The following RGS3 variants were observed in gnomAD, a reference collection of about 807,000 sequenced individuals.
RGS3 encodes the protein regulator of G-protein signalling 3.
A neutral mutation model predicts 132.6 loss-of-function variants in RGS3; 80 were observed. That is an observed-to-expected ratio of 0.60 (90% CI 0.50 to 0.73). The LOEUF (loss-of-function observed/expected upper bound fraction) is 0.73. Ranked by LOEUF, RGS3 falls within the 30% of genes least tolerant of loss-of-function variation. The pLI, the probability that RGS3 is intolerant of heterozygous loss-of-function variation, is 0.00. For missense variants in RGS3, 1,382 were observed against 1,530.8 expected, an observed-to-expected ratio of 0.90 and a Z score of 1.62; for synonymous variants, 598 against 620.6, an observed-to-expected ratio of 0.96 and a Z score of 0.54.
At chr9:113,494,960 C>T (rs532271094) in intron 7 of RGS3, among the ~76,000 whole-genome samples, 4 of 152,156 alleles carry the variant, frequency 2.6e-5, no homozygotes, top group Non-Finnish European at 5.9e-5. Flanking sequence ...ACTGCAACTC[C>T]ACCTCCTGGT....
Position 113,506,499 on chromosome 9 carries a change from A to T in RGS3, c.1085+6A>T. On this transcript the variant is annotated splice_donor_region_variant and intron_variant, in intron 12 of 24. Coordinates refer to ENST00000350696, the Ensembl canonical transcript of RGS3. This position sits in a 1 kb window ranked among gnomAD's most constrained non-coding sequence, Gnocchi z 4.7. ...GAGCTGGCCCACGAGATCCGGTGAC[A>T]GGGGACAGCGGGTGGCCTGGGGCCT... is the stretch of plus-strand genomic sequence containing the variant. 1 of 1,571,210 alleles carries T rather than the reference A, an allele frequency of 6.4e-7. No individual in the cohort carries two copies. Among genetic ancestry groups the T allele is most frequent in the Non-Finnish European group, 8.7e-7 (1 of 1,155,798 alleles).
At position 113,447,329 on chromosome 9, in the gene RGS3, G is replaced by GTATATATGTATATATA. The variant is rs1305095004; in HGVS notation, c.-13+2409_-13+2410insGTATATATATATATAT. Among the ~76,000 whole-genome samples the GTATATATGTATATATA allele has an allele frequency of 3.3e-3, 90 of 27,546 alleles. 2 individuals are homozygous for GTATATATGTATATATA. The highest frequency in any genetic ancestry group is 5.2e-3 in the Non-Finnish European group (69 of 13,358). The allele number at this position is 27,546 out of a possible 152,430, so 18.1% of individuals were successfully genotyped here. Reference sequence around the variant, plus strand: ...CCAATAAATTCTGATGTATGTATATGTATATATATATATATATATATATAT... The same window carrying GTATATATGTATATATA: ...CCAATAAATTCTGATGTATGTATATGTATATATGTATATATATATATATATATATATATATATATAT... On this transcript the variant is annotated intron_variant, in intron 1 of 25. Transcript: ENST00000374140.
chr9:113,539,724 C>A (rs1259822731), intron 19 of RGS3, among the ~76,000 whole-genome samples: 1 of 152,216 alleles, frequency 6.6e-6, no homozygotes, highest in Non-Finnish European at 1.5e-5. Context: ...TCAAGAGTGT[C>A]TGCTGACACC....
intron 4 of RGS3, 52 bp downstream of exon 2, chr9:113,479,593 T>G (rs988649966): frequency 1.1e-5 from 18 of 1,577,010 alleles, no homozygotes; most frequent in Non-Finnish European, 1.5e-5. Context: ...CCACTCAGCT[T>G]GCTGCCTGGG....
intron 19 of RGS3, among the ~76,000 whole-genome samples, chr9:113,542,369 C>T (rs144622024): frequency 1.9e-3 from 289 of 152,232 alleles, no homozygotes; most frequent in African/African-American, 6.7e-3. Context: ...ACTGGAGAGC[C>T]ATTGAAGGCT....
chr9:113,472,836 C>T (rs1021588001), intron 3 of RGS3, among the ~76,000 whole-genome samples: 2 of 152,002 alleles, frequency 1.3e-5, no homozygotes, highest in Admixed American at 6.6e-5. Context: ...GTCAGGAGTT[C>T]GAGAGCAGCC....
intron 20 of RGS3, among the ~76,000 whole-genome samples, chr9:113,589,622 G>GAA (rs1467449690): frequency 5.9e-5 from 9 of 152,204 alleles, no homozygotes; most frequent in Non-Finnish European, 1.2e-4. Flanking sequence ...CCCAGGGCCC[G>GAA]AGGGCTCTTT....
rs565288190 is a variant in RGS3, at chr9:113,477,885, G to A, written c.416-1606G>A. Among the ~76,000 whole-genome samples, 8 of 152,318 alleles carry A rather than the reference G, an allele frequency of 5.3e-5. No individual in the cohort carries two copies. The East Asian group carries it at 1.5e-3, about 29-fold the overall frequency. ...CCTGGGCTTTCTGGTAGACGGCCCTGCCCTGCTTTCTGATGTCTCCAGTGC... is the reference window on the plus strand; with the variant it reads ...CCTGGGCTTTCTGGTAGACGGCCCTACCCTGCTTTCTGATGTCTCCAGTGC... On this transcript the variant is annotated intron_variant, in intron 3 of 24. Coordinates refer to ENST00000350696, the Ensembl canonical transcript of RGS3.
chr9:113,514,608 A>C, exon 15 of RGS3: 1 of 1,613,972 alleles, frequency 6.2e-7, no homozygotes, highest in South Asian at 1.1e-5. Flanking sequence ...TATGGCACCT[A>C]CGTCACCCTG....
chr9:113,541,466 C>T (rs780440229), intron 19 of RGS3: 8 of 1,605,916 alleles, frequency 5.0e-6, no homozygotes, highest in Non-Finnish European at 6.0e-6. Context: ...GGCAACTTAA[C>T]CCTTTCTTGG....
intron 7 of RGS3, among the ~76,000 whole-genome samples, chr9:113,489,091 T>C (rs1830427410): frequency 6.6e-6 from 1 of 152,140 alleles, no homozygotes; most frequent in African/African-American, 2.4e-5. Flanking sequence ...TCCTAAGAGG[T>C]AGGACTTATT....
intron 4 of RGS3, among the ~76,000 whole-genome samples, chr9:113,481,730 G>A (rs1044900564): frequency 6.6e-6 from 1 of 152,166 alleles, no homozygotes; most frequent in Non-Finnish European, 1.5e-5. Flanking sequence ...CACTGTCTGA[G>A]CCAAACCCTA....
rs1205067711 is a variant in RGS3, at chr9:113,463,802, C to T, written c.415+1601C>T. On this transcript the variant is annotated intron_variant, in intron 3 of 24. Coordinates refer to ENST00000350696, the Ensembl canonical transcript of RGS3. This position sits in a 1 kb window ranked among gnomAD's most constrained non-coding sequence, Gnocchi z 4.6. The stretch of plus-strand genomic sequence containing the variant: ...TCCTGTCCGGGTCGCAGTGGGACGC[C>T]ATGGAGCGCTCCCTGCACCGCGTCT... The T allele has an allele frequency of 6.2e-7, 1 of 1,610,442 alleles. No homozygotes were observed. The highest frequency in any genetic ancestry group is 8.5e-7 in the Non-Finnish European group (1 of 1,178,780).
chr9:113,534,246 C>T (rs1212460415), intron 18 of RGS3, among the ~76,000 whole-genome samples: 2 of 152,190 alleles, frequency 1.3e-5, no homozygotes, highest in Admixed American at 6.5e-5. Flanking sequence ...CCCTTCTTAC[C>T]GTTCATGCCT....
intron 9 of RGS3, 68 bp from the exon 8 acceptor site, chr9:113,497,957 G>A: frequency 6.5e-7 from 1 of 1,528,998 alleles, no homozygotes; most frequent in Non-Finnish European, 9.1e-7. Context: ...GCTGTCCTCT[G>A]GGTGGTCCGA....
chr9:113,496,381 C>T (rs1162461828), intron 8 of RGS3, among the ~76,000 whole-genome samples: 3 of 152,130 alleles, frequency 2.0e-5, no homozygotes, highest in Admixed American at 2.0e-4. Flanking sequence ...CTACGCTGCA[C>T]TGGACTCCCC....
Position 113,507,636 on chromosome 9 carries a change from C to G in RGS3, c.1435C>G (p.Gln479Glu), listed in dbSNP as rs1487429609. The G allele has an allele frequency of 8.2e-6, 12 of 1,456,748 alleles. No homozygotes were observed. In the South Asian group the frequency reaches 1.6e-4, roughly 19 times the overall value. The allele number at this position is 1,456,748 out of a possible 1,614,324, so 90.2% of individuals were successfully genotyped here. ...CCTGGCCCCGCTGAATCCTGGGAGC[C>G]AGGTACGGACAGCTGGTGTGGGGAA... The change falls in exon 13 of 25, where the codon CAG (glutamine) becomes GAG (glutamate). Residue 479 changes from glutamine to glutamate, a missense_variant and splice_region_variant. Gln to Glu is a conservative substitution (Grantham distance 29). Transcript: ENST00000350696. The surrounding 1 kb of genome is among the most constrained non-coding windows in gnomAD (Gnocchi z 5.0).
At chr9:113,462,145 G>T in exon 3 of RGS3, 14 of 1,614,162 alleles carry the variant, frequency 8.7e-6, no homozygotes, top group Non-Finnish European at 1.1e-5. Flanking sequence ...AGAGATGAGT[G>T]GACTCAAACT....
rs763424930 is a variant in RGS3, at chr9:113,596,954, G to A, written c.*1G>A. The stretch of plus-strand genomic sequence containing the variant: ...GAAGAAGATGAGTCCCCCGCTTTAG[G>A]GGCCACTGGAGTCGAGCTCAGCGTT... On this transcript the variant is annotated 3_prime_UTR_variant, in exon 25 of 25. Transcript: ENST00000350696. The A allele has an allele frequency of 2.5e-6, 4 of 1,598,110 alleles. No individual in the cohort carries two copies. In the South Asian group the frequency reaches 4.5e-5, roughly 18 times the overall value.
Sources: allele counts gnomAD v4.1 joint callset (sites outside exome capture counted in the v4.1 genomes callset), GRCh38; gene constraint gnomAD v4.1.1; non-coding constraint Gnocchi (gnomAD v3.1); transcripts MANE v1.5; gene names NCBI Gene and HGNC (gene_info 2026-07-23, HGNC 2026-07-21).